LYPLA1: variants seen among roughly 807,000 people sequenced by gnomAD.
LYPLA1 encodes the protein acyl-protein thioesterase 1.
Under a neutral mutation model 34.0 loss-of-function variants are expected in LYPLA1, and 17 were observed. The ratio of observed to expected loss-of-function variants is 0.50; its 90% confidence interval spans 0.34 to 0.75. LYPLA1 has a LOEUF of 0.75. Ranked by LOEUF, LYPLA1 falls within the 30% of genes least tolerant of loss-of-function variation. The pLI is 0.01. For synonymous variants in LYPLA1, 98 were observed against 100.8 expected (o/e 0.97, Z 0.17); for missense variants, 203 against 288.8 (o/e 0.70, Z 2.15).
At chr8:54,076,626 T>C (rs1180109795) in intron 2 of LYPLA1, among the ~76,000 whole-genome samples, 1 of 152,168 alleles carries the variant, frequency 6.6e-6, no homozygotes, top group African/African-American at 2.4e-5. Context: ...ATGCTCACGC[T>C]GGAAGGTTGT....
chr8:54,079,597 G>C (rs1338361471), intron 2 of LYPLA1, among the ~76,000 whole-genome samples: 2 of 152,102 alleles, frequency 1.3e-5, no homozygotes, highest in Non-Finnish European at 2.9e-5. Context: ...GAGTCCAGGA[G>C]ATTGAGACCA....
chr8:54,078,403 A>C (rs1054049662), intron 2 of LYPLA1, among the ~76,000 whole-genome samples: 3 of 152,242 alleles, frequency 2.0e-5, no homozygotes, highest in Admixed American at 6.5e-5. Flanking sequence ...AAGCAAAGCA[A>C]CTGATAAATT....
At position 54,096,577 on chromosome 8, in the gene LYPLA1, TAAAAATACAAA is replaced by T. The variant is rs536052234; in HGVS notation, c.101+4320_101+4330del. Among the ~76,000 whole-genome samples the T allele has an allele frequency of 2.1e-3, 316 of 151,898 alleles. 1 individual carries two copies. Among genetic ancestry groups the T allele is most frequent in the African/African-American group, 7.2e-3 (299 of 41,460 alleles). Reference sequence around the variant, plus strand: ...CATGGTGAAACCCCCCCGTCTCTACTAAAAATACAAAAAAAATTAGCCAGGCGTGGTGGCAC... The same window carrying T: ...CATGGTGAAACCCCCCCGTCTCTACTAAAAATTAGCCAGGCGTGGTGGCAC... On this transcript the variant is annotated intron_variant, in intron 2 of 8. Transcript: ENST00000316963.
rs141249068 is a variant in LYPLA1 at position 54,101,871 on chromosome 8, G to C, written c.-48C>G. On this transcript the variant is annotated 5_prime_UTR_variant, in exon 1 of 9. Coordinates refer to ENST00000316963, the MANE Select transcript of LYPLA1 (RefSeq NM_006330.4). ...AAGCGGAAGGAAGAGCGGGCGCCCG[G>C]CCGCGGCCCAAGGGCGTGCGAGCGG... 8,983 of 1,161,824 alleles carry C rather than the reference G, an allele frequency of 7.7e-3. 33 individuals are homozygous for C. Among genetic ancestry groups the C allele is most frequent in the Non-Finnish European group, 9.1e-3 (8,438 of 923,106 alleles). The allele number at this position is 1,161,824 out of a possible 1,614,324, so 72.0% of individuals were successfully genotyped here.
intron 2 of LYPLA1, among the ~76,000 whole-genome samples, chr8:54,097,731 T>C (rs1809799313): frequency 6.6e-6 from 1 of 152,246 alleles, no homozygotes; most frequent in South Asian, 2.1e-4. Flanking sequence ...AAACCCCTAG[T>C]GGATGCCTGA....
At chr8:54,080,248 C>T (rs951131500) in intron 2 of LYPLA1, among the ~76,000 whole-genome samples, 5 of 151,944 alleles carry the variant, frequency 3.3e-5, no homozygotes, top group South Asian at 2.1e-4. Flanking sequence ...TGTGGTGGCA[C>T]GTACCTGTAG....
chr8:54,062,196 A>G (rs1397475847), intron 5 of LYPLA1, 58 bp downstream of exon 5: 2 of 1,235,838 alleles, frequency 1.6e-6, no homozygotes, highest in Non-Finnish European at 2.3e-6. Context: ...TATGATTACT[A>G]AATCTACTAA....
chr8:54,055,386 TAAAC>T (rs959195925), intron 5 of LYPLA1, among the ~76,000 whole-genome samples: 2 of 151,966 alleles, frequency 1.3e-5, no homozygotes, highest in Non-Finnish European at 2.9e-5. Context: ...ACCTAGGAAT[TAAAC>T]AAAGAAGTGA....
At chr8:54,073,104 T>A (rs1000111910) in intron 2 of LYPLA1, 8 of 671,210 alleles carry the variant, frequency 1.2e-5, no homozygotes, top group African/African-American at 7.1e-5. Flanking sequence ...GGTTGGGCCA[T>A]CAGGAACTTG....
intron 8 of LYPLA1, among the ~76,000 whole-genome samples, chr8:54,049,807 C>G (rs1305907803): frequency 6.6e-6 from 1 of 152,208 alleles, no homozygotes; most frequent in Admixed American, 6.5e-5. Context: ...CATGTTGCCT[C>G]TGCTTCCTCA....
At chr8:54,084,141 A>C (rs758274220) in intron 2 of LYPLA1, among the ~76,000 whole-genome samples, 3 of 118,636 alleles carry the variant, frequency 2.5e-5, no homozygotes, top group African/African-American at 1.4e-4. Flanking sequence ...AAAATAAATA[A>C]ATATATATAT....
At chr8:54,088,172 T>C (rs951672810) in intron 2 of LYPLA1, among the ~76,000 whole-genome samples, 5 of 152,218 alleles carry the variant, frequency 3.3e-5, no homozygotes, top group Non-Finnish European at 5.9e-5. Flanking sequence ...TTAGGCTAAA[T>C]TGAGGGAGCT....
intron 2 of LYPLA1, among the ~76,000 whole-genome samples, chr8:54,096,779 C>T (rs1185846385): frequency 2.0e-5 from 3 of 151,308 alleles, no homozygotes; most frequent in African/African-American, 4.9e-5. Flanking sequence ...TGTGGCGGCA[C>T]GCACCTATAG....
intron 3 of LYPLA1, among the ~76,000 whole-genome samples, chr8:54,064,223 C>T (rs1045071469): frequency 3.0e-4 from 46 of 151,844 alleles, no homozygotes; most frequent in Admixed American, 8.5e-4. Flanking sequence ...GAGACCAGCC[C>T]GGCCAACATG....
At chr8:54,091,518 GAAAAAGAAAAGA>G (rs138264282) in intron 2 of LYPLA1, among the ~76,000 whole-genome samples, 13,213 of 112,060 alleles carry the variant, frequency 0.12, 1,559 homozygotes, top group African/African-American at 0.35. Flanking sequence ...GGAAAGGAAA[GAAAAAGAAAAGA>G]AAAAAGAAAA....
chr8:54,062,125 TG>T, intron 5 of LYPLA1, 128 bp downstream of exon 5: 1 of 619,792 alleles, frequency 1.6e-6, no homozygotes, highest in Non-Finnish European at 2.8e-6. Context: ...CCCAAAGTAC[TG>T]GGATTACAGG....
chr8:54,054,993 G>A, intron 6 of LYPLA1, 67 bp downstream of exon 6: 1 of 933,712 alleles, frequency 1.1e-6, no homozygotes, highest in Non-Finnish European at 1.7e-6. Context: ...CTATAGAAAG[G>A]ATTAATGCAC....
chr8:54,059,828 GGA>G (rs1434005038), intron 5 of LYPLA1, among the ~76,000 whole-genome samples: 2 of 152,190 alleles, frequency 1.3e-5, no homozygotes, highest in Non-Finnish European at 2.9e-5. Flanking sequence ...AGCTGAGGCG[GGA>G]GAGTTGCTGG....
intron 1 of LYPLA1, chr8:54,101,537 G>T: frequency 8.7e-7 from 1 of 1,143,254 alleles, no homozygotes; most frequent in Non-Finnish European, 1.1e-6. Context: ...CCGCAATGCA[G>T]GGAGGAGCTG....
Sources: gnomAD v4.1 joint callset for allele counts (sites outside exome capture counted in the v4.1 genomes callset) on GRCh38, gnomAD v4.1.1 for gene constraint, MANE v1.5 for transcripts, NCBI Gene and HGNC (gene_info 2026-07-23, HGNC 2026-07-21) for gene names.